Variants in KIF2A observed in about 807,000 individuals in gnomAD.
The protein encoded by KIF2A is kinesin-like protein KIF2A.
In KIF2A, 22 loss-of-function variants were observed where a neutral mutation model predicts 100.2. That is an observed-to-expected ratio of 0.22 (90% CI 0.16 to 0.31). The LOEUF (loss-of-function observed/expected upper bound fraction) is 0.31, where lower values mean the gene tolerates loss of function less well. KIF2A is among the 10% of genes least tolerant of loss of function. The pLI, the probability that KIF2A is intolerant of heterozygous loss-of-function variation, is 1.00. For missense variants in KIF2A, 495 were observed against 898.7 expected (o/e 0.55, Z 5.74); for synonymous variants, 268 against 285.9 (o/e 0.94, Z 0.63).
chr5:62,352,778 T>G, intron 5 of KIF2A, 68 bp downstream of exon 5: 2 of 1,326,102 alleles, frequency 1.5e-6, no homozygotes, highest in Non-Finnish European at 2.1e-6. Context: ...GGTCATCCTT[T>G]TAAGTCCTCA....
intron 7 of KIF2A, among the ~76,000 whole-genome samples, chr5:62,356,135 T>G (rs934881664): frequency 6.6e-6 from 1 of 152,238 alleles, no homozygotes; most frequent in African/African-American, 2.4e-5. Context: ...CTTATAAAAA[T>G]AATCCATCTG....
At position 62,390,909 on chromosome 5, in the gene KIF2A, C is replaced by T; in HGVS notation, c.*5340C>T. ...GTCATCTATGTCCATGGAACGGGCC[C>T]GTTTGTCACTAAAACCTGTGCTGGT... On this transcript the variant is annotated 3_prime_UTR_variant, in exon 21 of 21. Coordinates refer to ENST00000407818, the MANE Select transcript of KIF2A (RefSeq NM_001098511.3). 3 of 1,612,052 alleles carry T rather than the reference C, an allele frequency of 1.9e-6. No homozygotes were observed. The highest frequency in any genetic ancestry group is 1.1e-5 in the South Asian group (1 of 91,006).
At chr5:62,340,025 G>A (rs1329378247) in intron 1 of KIF2A, among the ~76,000 whole-genome samples, 1 of 148,116 alleles carries the variant, frequency 6.8e-6, no homozygotes, top group Non-Finnish European at 1.5e-5. Flanking sequence ...TGCAACCTCT[G>A]CCTCCCGGGT....
Position 62,372,430 on chromosome 5 carries a change from T to C in KIF2A, c.1647-8T>C. The C allele has an allele frequency of 6.6e-7, 1 of 1,511,802 alleles. No individual in the cohort carries two copies. Among genetic ancestry groups the C allele is most frequent in the African/African-American group, 1.4e-5 (1 of 73,020 alleles). The allele number at this position is 1,511,802 out of a possible 1,614,324, so 93.6% of individuals were successfully genotyped here. A position where few individuals can be genotyped will look rare whatever the true frequency, so the allele number is the denominator to read the frequency against. On this transcript the variant is annotated splice_polypyrimidine_tract_variant and splice_region_variant and intron_variant, in intron 16 of 20. Transcript: ENST00000407818. The stretch of plus-strand genomic sequence containing the variant: ...TTCTTTTAATTTGTTGCTCTTTTGG[T>C]GCTGCAGAGTAAAGGAGTTTGGAAT...
chr5:62,360,578 G>A (rs967316258), intron 9 of KIF2A, among the ~76,000 whole-genome samples: 2 of 151,996 alleles, frequency 1.3e-5, no homozygotes, highest in African/African-American at 4.8e-5. Context: ...CCAGCTACTC[G>A]GGAGGCTGAG....
At chr5:62,341,968 C>T (rs937800729) in intron 1 of KIF2A, among the ~76,000 whole-genome samples, 1 of 151,968 alleles carries the variant, frequency 6.6e-6, no homozygotes, top group East Asian at 1.9e-4. Flanking sequence ...TTTCTTTAAC[C>T]TCAACCACGG....
chr5:62,364,502 A>G (rs1740976178), intron 14 of KIF2A, among the ~76,000 whole-genome samples: 1 of 152,144 alleles, frequency 6.6e-6, no homozygotes, highest in Admixed American at 6.5e-5. Context: ...CACTGAATTG[A>G]GCTAAGAAAC....
chr5:62,359,104 A>C (rs1450281603), intron 9 of KIF2A, among the ~76,000 whole-genome samples: 1 of 152,240 alleles, frequency 6.6e-6, no homozygotes, highest in Non-Finnish European at 1.5e-5. Context: ...GTTTTAGTAC[A>C]TGAGATTCTT....
In KIF2A at chr5:62,343,708, A is replaced by G. The variant is rs139195993; in HGVS notation, c.65-3422A>G. On this transcript the variant is annotated intron_variant, in intron 1 of 20. Transcript: ENST00000407818. The stretch of plus-strand genomic sequence containing the variant: ...CAGGAAGACTAGTTGGGAGAGTATC[A>G]CAGTAATCTAAGTACAAGGCATTGG... 4.8e-3 allele frequency among the ~76,000 whole-genome samples: 735 copies of G among 152,312 alleles called. 3 individuals are homozygous for G. Among genetic ancestry groups the G allele is most frequent in the African/African-American group, 0.017 (695 of 41,574 alleles).
chr5:62,384,147 G>C (rs1741911495), intron 20 of KIF2A, among the ~76,000 whole-genome samples: 1 of 152,144 alleles, frequency 6.6e-6, no homozygotes, highest in Non-Finnish European at 1.5e-5. Flanking sequence ...TGAGACAGGA[G>C]AATCACTTGA....
intron 19 of KIF2A, among the ~76,000 whole-genome samples, chr5:62,380,650 T>C (rs1741737607): frequency 6.6e-6 from 1 of 152,204 alleles, no homozygotes; most frequent in Non-Finnish European, 1.5e-5. Flanking sequence ...ATATATGTGA[T>C]ATAAGGTATT....
At chr5:62,321,756 G>A (rs554336446) in intron 1 of KIF2A, among the ~76,000 whole-genome samples, 49 of 151,996 alleles carry the variant, frequency 3.2e-4, no homozygotes, top group Non-Finnish European at 4.1e-4. Context: ...GACATGTTTC[G>A]CCACGTTTCC....
chr5:62,336,676 T>C (rs1746968879), intron 1 of KIF2A, among the ~76,000 whole-genome samples: 1 of 152,128 alleles, frequency 6.6e-6, no homozygotes, highest in African/African-American at 2.4e-5. Context: ...TAGCGGCTTA[T>C]AAAGAAAATA....
intron 1 of KIF2A, among the ~76,000 whole-genome samples, chr5:62,334,169 C>T (rs1746805776): frequency 6.6e-6 from 1 of 151,984 alleles, no homozygotes; most frequent in Non-Finnish European, 1.5e-5. Flanking sequence ...ACTGCCCACC[C>T]CCCGGACCCT....
At chr5:62,366,843 A>T (rs1019972193) in intron 16 of KIF2A, among the ~76,000 whole-genome samples, 1 of 152,176 alleles carries the variant, frequency 6.6e-6, no homozygotes, top group African/African-American at 2.4e-5. Context: ...AAAAAAAAAA[A>T]AAATTAATAT....
intron 16 of KIF2A, among the ~76,000 whole-genome samples, chr5:62,368,710 G>C (rs1741194946): frequency 6.6e-6 from 1 of 151,678 alleles, no homozygotes; most frequent in South Asian, 2.1e-4. Flanking sequence ...CTGGAATGTT[G>C]AGTCTACAGT....
chr5:62,373,216 T>C (rs1246603618), intron 17 of KIF2A, among the ~76,000 whole-genome samples: 1 of 152,080 alleles, frequency 6.6e-6, no homozygotes, highest in East Asian at 1.9e-4. Context: ...GCTATTTTAA[T>C]TGAGCATGAT....
chr5:62,330,800 C>T (rs972244787), intron 1 of KIF2A, among the ~76,000 whole-genome samples: 2 of 152,046 alleles, frequency 1.3e-5, no homozygotes. Context: ...AGAATAGACA[C>T]ACTATATATT....
chr5:62,329,772 T>C (rs994763754), intron 1 of KIF2A, among the ~76,000 whole-genome samples: 5 of 152,234 alleles, frequency 3.3e-5, no homozygotes, highest in African/African-American at 9.6e-5. Flanking sequence ...TTTGTGGTTA[T>C]GATAAAATTA....
Sources: allele counts gnomAD v4.1 joint callset (sites outside exome capture counted in the v4.1 genomes callset), GRCh38; gene constraint gnomAD v4.1.1; transcripts MANE v1.5; gene names NCBI Gene and HGNC (gene_info 2026-07-23, HGNC 2026-07-21).